Variants in ADGB observed in about 807,000 individuals in gnomAD.
ADGB encodes calpain-7-like protein.
A neutral mutation model predicts 210.5 loss-of-function variants in ADGB; 172 were observed. The ratio of observed to expected loss-of-function variants is 0.82; its 90% CI spans 0.72 to 0.93. The LOEUF (loss-of-function observed/expected upper bound fraction) is 0.93, where lower values mean the gene tolerates loss of function less well. ADGB is among the 40% of genes least tolerant of loss of function. The pLI, the probability that ADGB is intolerant of heterozygous loss-of-function variation, is 0.00. For missense variants in ADGB, 2,025 were observed against 1,964.8 expected, an observed-to-expected ratio of 1.03 and a Z score of -0.58; for synonymous variants, 658 against 662.7, an observed-to-expected ratio of 0.99 and a Z score of 0.11.
intron 1 of ADGB, among the ~76,000 whole-genome samples, chr6:146,629,999 G>T (rs1220431134): frequency 2.0e-5 from 3 of 152,160 alleles, no homozygotes; most frequent in African/African-American, 7.2e-5. Context: ...CACTTTGGGA[G>T]GCTGAGGCAG....
chr6:146,807,298 ATGTGTG>A, intron 35 of ADGB: 1 of 1,130,482 alleles, frequency 8.8e-7, no homozygotes, highest in Non-Finnish European at 1.3e-6. Context: ...TTGCCTATGA[ATGTGTG>A]GGCATAAGGA....
rs1775744606 is a variant in ADGB at position 146,654,201 on chromosome 6, A to C, written c.397A>C (p.Ser133Arg). 2 of 1,543,516 alleles carry C rather than the reference A, an allele frequency of 1.3e-6. No homozygotes were observed. The highest frequency in any genetic ancestry group is 1.8e-6 in the Non-Finnish European group (2 of 1,141,126). Residue 133 changes from serine (S) to arginine (R), a missense_variant, in exon 4 of 36, where the codon AGC (serine) becomes CGC (arginine). Ser to Arg is a moderately radical substitution (Grantham distance 110). Transcript: ENST00000397944. The part of the protein sequence containing the change: ...LFSANEHLLC[S>R]ELMRWIISEI... ...TTCAGCAAATGAACATTTACTCTGC[A>C]GCGAGGTATGTACAGAAATATGAAC...
At chr6:146,807,994 T>TC (rs1778238106) in intron 35 of ADGB, among the ~76,000 whole-genome samples, 1 of 131,082 alleles carries the variant, frequency 7.6e-6, no homozygotes, top group Non-Finnish European at 1.5e-5. Context: ...ATGCTTCAGT[T>TC]TTTTTTTTTT....
intron 13 of ADGB, among the ~76,000 whole-genome samples, chr6:146,706,389 A>T (rs948322564): frequency 1.3e-5 from 2 of 151,840 alleles, no homozygotes; most frequent in African/African-American, 4.8e-5. Context: ...CCTCTCGAGT[A>T]GTTGGGGCTA....
At chr6:146,695,655 C>T (rs559552315) in intron 12 of ADGB, among the ~76,000 whole-genome samples, 2 of 151,888 alleles carry the variant, frequency 1.3e-5, no homozygotes, top group Non-Finnish European at 2.9e-5. Flanking sequence ...GCATTAGCAA[C>T]ATTTTAAGTT....
intron 19 of ADGB, among the ~76,000 whole-genome samples, chr6:146,727,365 G>A (rs1351736298): frequency 6.6e-6 from 1 of 152,026 alleles, no homozygotes; most frequent in Non-Finnish European, 1.5e-5. Context: ...TCTCTCACTA[G>A]CTCTCTTTCT....
chr6:146,767,849 C>T (rs952893061), intron 28 of ADGB, among the ~76,000 whole-genome samples: 4 of 152,160 alleles, frequency 2.6e-5, no homozygotes, highest in Non-Finnish European at 5.9e-5. Flanking sequence ...GACTTCAACC[C>T]AGACAGCTCT....
intron 22 of ADGB, among the ~76,000 whole-genome samples, chr6:146,735,138 A>G (rs182020202): frequency 1.3e-3 from 203 of 152,326 alleles, no homozygotes; most frequent in African/African-American, 4.8e-3. Flanking sequence ...CCTAAATTAC[A>G]TAGTTTAATG....
chr6:146,798,265 G>A (rs940896671), intron 33 of ADGB, among the ~76,000 whole-genome samples: 1 of 152,084 alleles, frequency 6.6e-6, no homozygotes. Flanking sequence ...AGAAGACAAC[G>A]TAAATAGATT....
chr6:146,615,909 T>A (rs1780792523), intron 1 of ADGB, among the ~76,000 whole-genome samples: 1 of 152,214 alleles, frequency 6.6e-6, no homozygotes, highest in Non-Finnish European at 1.5e-5. Flanking sequence ...ACTGACTTCA[T>A]TTCCTTTGGA....
At chr6:146,806,202 T>G (rs1778209468) in intron 35 of ADGB, among the ~76,000 whole-genome samples, 1 of 152,226 alleles carries the variant, frequency 6.6e-6, no homozygotes, top group Non-Finnish European at 1.5e-5. Flanking sequence ...GAAAAAATAC[T>G]AAGACAGCTT....
chr6:146,704,288 CAA>C (rs561627253), intron 13 of ADGB, among the ~76,000 whole-genome samples: 2 of 139,850 alleles, frequency 1.4e-5, no homozygotes, highest in African/African-American at 2.6e-5. Context: ...CTTTTCTGTG[CAA>C]AAAAAAAAAA....
At chr6:146,627,098 A>T (rs1221274075) in intron 1 of ADGB, among the ~76,000 whole-genome samples, 1 of 151,800 alleles carries the variant, frequency 6.6e-6, no homozygotes, top group Non-Finnish European at 1.5e-5. Context: ...CCTTGTCTCT[A>T]CTTAACATTT....
At chr6:146,666,218 C>T (rs1421951185) in intron 6 of ADGB, among the ~76,000 whole-genome samples, 1 of 151,916 alleles carries the variant, frequency 6.6e-6, no homozygotes, top group Non-Finnish European at 1.5e-5. Flanking sequence ...TGTAAATAGA[C>T]TAATAACTTC....
At chr6:146,810,916 TTGA>T (rs1166874800) in intron 35 of ADGB, among the ~76,000 whole-genome samples, 1 of 152,182 alleles carries the variant, frequency 6.6e-6, no homozygotes, top group Non-Finnish European at 1.5e-5. Context: ...AGTAATTAAA[TTGA>T]TTATATTAAT....
chr6:146,789,059 C>A (rs998826754), intron 33 of ADGB, among the ~76,000 whole-genome samples: 2 of 152,158 alleles, frequency 1.3e-5, no homozygotes, highest in African/African-American at 2.4e-5. Flanking sequence ...GTCACCCTGA[C>A]CTGATTCATT....
intron 29 of ADGB, among the ~76,000 whole-genome samples, chr6:146,776,090 G>A (rs57345809): frequency 0.25 from 37,540 of 151,880 alleles, 4,798 homozygotes; most frequent in Middle Eastern, 0.31. Context: ...TGTAAGAGGA[G>A]ACCTAAAGGC....
intron 35 of ADGB, chr6:146,802,603 C>T (rs1277076600): frequency 5.4e-6 from 3 of 559,634 alleles, no homozygotes; most frequent in South Asian, 2.3e-5. Context: ...CTGCTCCTTT[C>T]GGATATTTTT....
chr6:146,631,367 C>T (rs1275737701), intron 1 of ADGB, among the ~76,000 whole-genome samples: 1 of 152,094 alleles, frequency 6.6e-6, no homozygotes, highest in Non-Finnish European at 1.5e-5. Context: ...CCTTATAGGA[C>T]TCAGACAGAC....
Sources: gnomAD v4.1 joint callset for allele counts (sites outside exome capture counted in the v4.1 genomes callset) on GRCh38, gnomAD v4.1.1 for gene constraint, MANE v1.5 for transcripts, NCBI Gene and HGNC (gene_info 2026-07-23, HGNC 2026-07-21) for gene names.